PRUNE2: variants seen among roughly 807,000 people sequenced by gnomAD.
The protein encoded by PRUNE2 is prune homolog 2 with BCH domain.
In PRUNE2, 164 loss-of-function variants were observed where a neutral mutation model predicts 252.0. The observed-to-expected ratio is 0.65, with a 90% CI of 0.57 to 0.74. The LOEUF is 0.74. Among genes scored for constraint, PRUNE2 ranks in the 30% least tolerant of loss-of-function variants. The pLI, the probability that PRUNE2 is intolerant of heterozygous loss-of-function variation, is 0.00. For synonymous variants in PRUNE2, 1,292 were observed against 1,350.2 expected (o/e 0.96, Z 0.94); for missense variants, 3,495 against 3,711.0 (o/e 0.94, Z 1.51).
intron 6 of PRUNE2, among the ~76,000 whole-genome samples, chr9:76,717,308 T>TTCTG (rs1478273205): frequency 6.6e-6 from 1 of 152,222 alleles, no homozygotes; most frequent in East Asian, 1.9e-4. Flanking sequence ...AGCGTGTTTG[T>TTCTG]TCTGCTTTTA....
chr9:76,807,815 TG>T (rs2057078330), intron 6 of PRUNE2, among the ~76,000 whole-genome samples: 2 of 152,192 alleles, frequency 1.3e-5, no homozygotes, highest in African/African-American at 4.8e-5. Flanking sequence ...CACTGGAAGC[TG>T]GGTAGCAGAA....
intron 1 of PRUNE2, among the ~76,000 whole-genome samples, chr9:76,856,175 G>A (rs1348524622): frequency 1.3e-5 from 2 of 152,158 alleles, no homozygotes; most frequent in Admixed American, 6.5e-5. Context: ...TGATGGACCA[G>A]GGTGGTTCCC....
At chr9:76,699,931 C>T (rs1287571782) in intron 9 of PRUNE2, among the ~76,000 whole-genome samples, 1 of 152,206 alleles carries the variant, frequency 6.6e-6, no homozygotes, top group East Asian at 1.9e-4. Context: ...AAAGATCAGG[C>T]ACATCCATCA....
intron 1 of PRUNE2, among the ~76,000 whole-genome samples, chr9:76,859,491 T>C (rs1305832534): frequency 6.6e-6 from 1 of 152,076 alleles, no homozygotes; most frequent in African/African-American, 2.4e-5. Context: ...GAAGCAAGGT[T>C]GCTGCTGCCA....
chr9:76,633,084 T>A (rs1407317776), intron 15 of PRUNE2, among the ~76,000 whole-genome samples: 2 of 151,940 alleles, frequency 1.3e-5, no homozygotes, highest in African/African-American at 4.8e-5. Flanking sequence ...TAGCCAGGTG[T>A]GGTGGCACAT....
intron 6 of PRUNE2, chr9:76,758,640 G>A (rs1339060712): frequency 6.6e-6 from 1 of 151,930 alleles, no homozygotes; most frequent in Admixed American, 6.6e-5. Flanking sequence ...CTACAGGCAA[G>A]CATCACAATG....
intron 9 of PRUNE2, among the ~76,000 whole-genome samples, chr9:76,665,614 T>C (rs1315693722): frequency 6.6e-6 from 1 of 152,336 alleles, no homozygotes; most frequent in East Asian, 1.9e-4. Flanking sequence ...AGCACAGGGC[T>C]CAGCACATGG....
intron 6 of PRUNE2, among the ~76,000 whole-genome samples, chr9:76,714,181 A>G (rs544709105): frequency 5.5e-4 from 83 of 151,692 alleles, no homozygotes; most frequent in Non-Finnish European, 9.3e-4. Flanking sequence ...ACGAATCAAC[A>G]TAGCTGAGTT....
chr9:76,802,330 T>C (rs183542661), intron 6 of PRUNE2, among the ~76,000 whole-genome samples: 19 of 152,300 alleles, frequency 1.2e-4, no homozygotes, highest in African/African-American at 4.3e-4. Flanking sequence ...GTCCAGACTA[T>C]GCAGCCATTG....
intron 1 of PRUNE2, among the ~76,000 whole-genome samples, chr9:76,894,038 G>A (rs1467899691): frequency 2.0e-5 from 3 of 152,166 alleles, no homozygotes; most frequent in Non-Finnish European, 4.4e-5. Flanking sequence ...ATCTTTTTCT[G>A]TGACCTATAT....
Position 76,705,099 on chromosome 9 carries a change from T to A in PRUNE2, c.7175A>T (p.Tyr2392Phe). The A allele has an allele frequency of 6.2e-7, 1 of 1,614,012 alleles. No individual in the cohort carries two copies. The stretch of plus-strand genomic sequence containing the variant: ...ATAAGACAAATCAAAGGGAGGTGTG[T>A]ACGGTGCCAGCGACTGCTTCAGAGA... Reference protein sequence around the residue: ...EDSLKQSLAPYTPPFDLSYLT... With the variant: ...EDSLKQSLAPFTPPFDLSYLT... The change falls in exon 8 of 19, where the codon TAC (tyrosine) becomes TTC (phenylalanine). Residue 2392 changes from tyrosine (Y) to phenylalanine (F), a missense_variant. By Grantham distance (22) the Tyr-to-Phe change is conservative. Coordinates refer to ENST00000376718, the MANE Select transcript of PRUNE2 (RefSeq NM_015225.3).
intron 6 of PRUNE2, among the ~76,000 whole-genome samples, chr9:76,754,125 C>T (rs17062964): frequency 1.3e-5 from 2 of 152,072 alleles, no homozygotes; most frequent in Non-Finnish European, 2.9e-5. Flanking sequence ...TTGTCAGCAT[C>T]TCTTCTTTAC....
At chr9:76,748,248 C>T (rs1363347703) in intron 6 of PRUNE2, among the ~76,000 whole-genome samples, 1 of 152,106 alleles carries the variant, frequency 6.6e-6, no homozygotes, top group Middle Eastern at 3.2e-3. Context: ...ATGCAAAATC[C>T]TTTATTTTTT....
chr9:76,705,355 A>G lies in PRUNE2; in HGVS notation c.6919T>C (p.Ser2307Pro), dbSNP rs778844372. ...AAFDHSFSDA[S>P]GLNTSTGTID... is the part of the protein sequence containing the mutation. ...GTTCCCGTGGATGTGTTGAGACCTG[A>G]GGCATCGCTGAAACTGTGGTCAAAG... Residue 2307 changes from serine (S) to proline (P), a missense_variant, in exon 8 of 19, where the codon TCA (serine) becomes CCA (proline). Coordinates refer to ENST00000376718, the MANE Select transcript of PRUNE2 (RefSeq NM_015225.3). 6.2e-7 allele frequency: 1 copy of G among 1,613,978 alleles called. No individual in the cohort carries two copies. The highest frequency in any genetic ancestry group is 1.3e-5 in the African/African-American group (1 of 75,036).
intron 3 of PRUNE2, among the ~76,000 whole-genome samples, chr9:76,849,980 ATTCCC>A (rs1219275948): frequency 1.3e-5 from 2 of 152,110 alleles, no homozygotes; most frequent in Non-Finnish European, 2.9e-5. Flanking sequence ...AGAAAAAGAT[ATTCCC>A]TTTTCTCTGC....
chr9:76,722,172 C>G (rs1289205410), intron 6 of PRUNE2, among the ~76,000 whole-genome samples: 1 of 152,024 alleles, frequency 6.6e-6, no homozygotes, highest in East Asian at 1.9e-4. Flanking sequence ...AATTCTCATG[C>G]CTCAGTCTCC....
At chr9:76,778,278 C>G (rs1296449088) in intron 6 of PRUNE2, 2 of 152,180 alleles carry the variant, frequency 1.3e-5, no homozygotes, top group African/African-American at 2.4e-5. Context: ...CTAGAGACAG[C>G]CAGCATTCTC....
At chr9:76,642,001 T>TAAAAAAAAAAAAAAAAAGAAA in intron 12 of PRUNE2, 3 of 1,010,450 alleles carry the variant, frequency 3.0e-6, no homozygotes, top group East Asian at 2.8e-5. Context: ...ATAAGAGAAG[T>TAAAAAAAAAAAAAAAAAGAAA]AAAAAAAAAA....
intron 10 of PRUNE2, among the ~76,000 whole-genome samples, chr9:76,653,591 A>G (rs1848203461): frequency 6.6e-6 from 1 of 152,150 alleles, no homozygotes; most frequent in Non-Finnish European, 1.5e-5. Context: ...AGGGCCAACT[A>G]TATTTTCTAA....
Sources: gnomAD v4.1 joint callset for allele counts (sites outside exome capture counted in the v4.1 genomes callset) on GRCh38, gnomAD v4.1.1 for gene constraint, MANE v1.5 for transcripts, NCBI Gene and HGNC (gene_info 2026-07-23, HGNC 2026-07-21) for gene names.